EVC: variants seen among roughly 807,000 people sequenced by gnomAD.
EVC encodes the protein evC complex member EVC.
In EVC, 116 loss-of-function variants were observed where a neutral mutation model predicts 118.9. The observed-to-expected ratio is 0.98, with a 90% CI of 0.84 to 1.14. EVC has a LOEUF of 1.14. Among genes scored for constraint, EVC ranks in the 50% most tolerant of loss-of-function variants. The pLI is 0.00. For synonymous variants in EVC, 619 were observed against 534.7 expected (o/e 1.16, Z -2.18); for missense variants, 1,401 against 1,246.4 (o/e 1.12, Z -1.87).
At chr4:5,790,981 G>T (rs1293495034) in intron 12 of EVC, among the ~76,000 whole-genome samples, 1 of 152,002 alleles carries the variant, frequency 6.6e-6, no homozygotes, top group Non-Finnish European at 1.5e-5. Context: ...TGTAATCCCA[G>T]CTACTCCAGA....
chr4:5,756,450 A>T lies in EVC; in HGVS notation c.1563+88A>T. On this transcript the variant is annotated intron_variant, in intron 11 of 20. Coordinates refer to ENST00000264956, the MANE Select transcript of EVC (RefSeq NM_153717.3). This position sits in a 1 kb window ranked among gnomAD's most constrained non-coding sequence, Gnocchi z 4.2. Reference sequence around the variant, plus strand: ...ACATCCTCCTGGCTGGGGACCCCAGAGGTGGTTCAGGTCCAACCCCGCACT... The same window carrying T: ...ACATCCTCCTGGCTGGGGACCCCAGTGGTGGTTCAGGTCCAACCCCGCACT... 1 of 1,124,596 alleles carries T rather than the reference A, an allele frequency of 8.9e-7. No individual in the cohort carries two copies. The highest frequency in any genetic ancestry group is 2.6e-5 in the East Asian group (1 of 39,076). 69.7% of individuals were successfully genotyped at this position (1,124,596 alleles called of 1,614,324 possible).
At chr4:5,810,884 G>A in intron 20 of EVC, 69 bp from the exon 21 acceptor site, 2 of 1,386,282 alleles carry the variant, frequency 1.4e-6, no homozygotes, top group South Asian at 1.2e-5. Flanking sequence ...ATCCGATTGG[G>A]TAAGTTATGG....
At chr4:5,726,169 C>T (rs1172641437) in intron 2 of EVC, among the ~76,000 whole-genome samples, 3 of 152,178 alleles carry the variant, frequency 2.0e-5, no homozygotes, top group South Asian at 2.1e-4. Flanking sequence ...GATTGGAAAT[C>T]GGTCATTGGT....
the EVC span, chr4:5,828,268 C>G: frequency 1.9e-5 from 19 of 985,266 alleles, no homozygotes; most frequent in Non-Finnish European, 2.2e-5. Flanking sequence ...CACCCCTCTA[C>G]AGTTTGCAAA....
At chr4:5,794,243 A>G (rs1277648882) in intron 13 of EVC, among the ~76,000 whole-genome samples, 1 of 71,382 alleles carries the variant, frequency 1.4e-5, no homozygotes, top group African/African-American at 4.2e-5. Context: ...ATATATTTAT[A>G]TATATATTTA....
chr4:5,767,029 G>T (rs2152166356), intron 11 of EVC, among the ~76,000 whole-genome samples: 1 of 149,974 alleles, frequency 6.7e-6, no homozygotes, highest in Non-Finnish European at 1.5e-5. Context: ...CATCTTTGTG[G>T]TTTTATCTAC....
At chr4:5,736,074 C>A (rs559661481) in intron 5 of EVC, among the ~76,000 whole-genome samples, 91 of 152,110 alleles carry the variant, frequency 6.0e-4, no homozygotes, top group Non-Finnish European at 4.4e-4. Flanking sequence ...GAGGAAGAAA[C>A]TGGCTCTGGG....
At chr4:5,820,264 CCAT>C in the EVC span, among the ~76,000 whole-genome samples, 3 of 152,160 alleles carry the variant, frequency 2.0e-5, no homozygotes, top group Admixed American at 6.5e-5. Context: ...ACCAACACCA[CCAT>C]CATCATCACC....
rs1728843976 is a variant in EVC at position 5,743,037 on chromosome 4, G to T, written c.801+1223G>T. On this transcript the variant is annotated intron_variant, in intron 6 of 20. Transcript: ENST00000264956. The surrounding 1 kb of genome is among the most constrained non-coding windows in gnomAD (Gnocchi z 4.7). Reference sequence around the variant, plus strand: ...AAGGGCAGTTCATTGCAAATTGAGGGACAGGTTATTTAGAACTTTCTAAAA... The same window carrying T: ...AAGGGCAGTTCATTGCAAATTGAGGTACAGGTTATTTAGAACTTTCTAAAA... Among the ~76,000 whole-genome samples, 1 of 152,224 alleles carries T rather than the reference G, an allele frequency of 6.6e-6. No homozygotes were observed. Among genetic ancestry groups the T allele is most frequent in the African/African-American group, 2.4e-5 (1 of 41,452 alleles).
intron 2 of EVC, among the ~76,000 whole-genome samples, chr4:5,724,435 C>T (rs1246695957): frequency 6.6e-6 from 1 of 152,226 alleles, no homozygotes; most frequent in Non-Finnish European, 1.5e-5. Context: ...ACCCCCACTT[C>T]CCTTTAAACT....
At chr4:5,783,859 C>G in intron 12 of EVC, 95 bp downstream of exon 12, 2 of 1,159,050 alleles carry the variant, frequency 1.7e-6, no homozygotes, top group Non-Finnish European at 2.5e-6. Flanking sequence ...CCACTAGTGC[C>G]TATTGTAGGT....
rs965866608 is a variant in EVC at position 5,754,011 on chromosome 4, G to A, written c.1464+78G>A. 6.0e-5 allele frequency: 94 copies of A among 1,576,814 alleles called. No homozygotes were observed. Among genetic ancestry groups the A allele is most frequent in the Middle Eastern group, 2.3e-4 (1 of 4,398 alleles). On this transcript the variant is annotated intron_variant, in intron 10 of 20. Transcript: ENST00000264956. This position sits in a 1 kb window ranked among gnomAD's most constrained non-coding sequence, Gnocchi z 5.8. The stretch of plus-strand genomic sequence containing the variant: ...TTCCCGTGACTGAGCACGGGACGCC[G>A]GAGGTATTCATCAGGCATGAGGTTA...
downstream of EVC, among the ~76,000 whole-genome samples, chr4:5,815,781 C>T: frequency 6.6e-6 from 1 of 152,186 alleles, no homozygotes; most frequent in East Asian, 1.9e-4. Flanking sequence ...ATTTGATTCG[C>T]ACCTGACGTC....
chr4:5,719,419 TG>T lies in EVC; in HGVS notation c.300+50del. 5.0e-6 allele frequency: 8 copies of T among 1,613,230 alleles called. No individual in the cohort carries two copies. The highest frequency in any genetic ancestry group is 6.8e-6 in the Non-Finnish European group (8 of 1,179,790). On this transcript the variant is annotated intron_variant, in intron 2 of 20. Transcript: ENST00000264956. The surrounding 1 kb of genome is among the most constrained non-coding windows in gnomAD (Gnocchi z 4.7). ...TGTTTGTGGAGGCACATGTGGGAGGTGGGGTATTCCCCCTGGAAGCCGGGTG... is the reference window on the plus strand; with the variant it reads ...TGTTTGTGGAGGCACATGTGGGAGGTGGGTATTCCCCCTGGAAGCCGGGTG...
chr4:5,790,037 C>T (rs1194027406), intron 12 of EVC, among the ~76,000 whole-genome samples: 2 of 151,908 alleles, frequency 1.3e-5, no homozygotes, highest in African/African-American at 2.4e-5. Context: ...AAAAATGAGT[C>T]GGGCATGGTG....
the EVC span, chr4:5,828,309 C>T: frequency 2.0e-6 from 2 of 984,480 alleles, no homozygotes; most frequent in African/African-American, 1.7e-5. Context: ...TCATTTGATG[C>T]TCACTCCTGT....
At chr4:5,825,990 A>AT in the EVC span, 16 of 381,814 alleles carry the variant, frequency 4.2e-5, no homozygotes, top group Non-Finnish European at 6.6e-5. The surrounding 1 kb of genome is among the most constrained non-coding windows in gnomAD (Gnocchi z 4.4). Flanking sequence ...CCTACACAGT[A>AT]GCATACACGC....
chr4:5,771,752 A>G (rs1733998139), intron 11 of EVC, among the ~76,000 whole-genome samples: 1 of 152,170 alleles, frequency 6.6e-6, no homozygotes, highest in Non-Finnish European at 1.5e-5. Flanking sequence ...GCAGAGTGCA[A>G]GGCAGTTTCC....
chr4:5,782,304 A>G (rs976711806), intron 11 of EVC, among the ~76,000 whole-genome samples: 11 of 150,282 alleles, frequency 7.3e-5, no homozygotes, highest in Middle Eastern at 3.5e-3. Flanking sequence ...CCAACTCCCA[A>G]CCTCAGGTGA....
Sources: gnomAD v4.1 joint callset for allele counts (sites outside exome capture counted in the v4.1 genomes callset) on GRCh38, gnomAD v4.1.1 for gene constraint, Gnocchi (gnomAD v3.1) non-coding constraint, MANE v1.5 for transcripts, NCBI Gene and HGNC (gene_info 2026-07-23, HGNC 2026-07-21) for gene names.